MGRN1: variants seen among roughly 807,000 people sequenced by gnomAD.
MGRN1 encodes E3 ubiquitin-protein ligase MGRN1.
In MGRN1, 29 loss-of-function variants were observed where a neutral mutation model predicts 69.2. That is an observed-to-expected ratio of 0.42 (90% CI 0.31 to 0.57). MGRN1 has a LOEUF of 0.57. Ranked by LOEUF, MGRN1 falls within the 20% of genes least tolerant of loss-of-function variation. MGRN1 has a pLI of 0.15. For synonymous variants in MGRN1, 470 were observed against 344.2 expected, an observed-to-expected ratio of 1.37 and a Z score of -4.04; for missense variants, 998 against 796.2, an observed-to-expected ratio of 1.25 and a Z score of -3.05.
rs373368627 is a variant in MGRN1, at chr16:4,672,454, A to C, written c.795+995A>C. The C allele has an allele frequency of 3.7e-5, 17 of 456,650 alleles. No individual in the cohort carries two copies. In the East Asian group the frequency reaches 1.2e-3, roughly 32 times the overall value. The allele number at this position is 456,650 out of a possible 1,614,324, so 28.3% of individuals were successfully genotyped here. On this transcript the variant is annotated intron_variant, in intron 9 of 16. Coordinates refer to ENST00000262370, the MANE Select transcript of MGRN1 (RefSeq NM_015246.4). ...CATTATGGCATCTGGGCCCAGGACAACTGGAGCAGCTCCACGTGGCGGGAG... is the reference window on the plus strand; with the variant it reads ...CATTATGGCATCTGGGCCCAGGACACCTGGAGCAGCTCCACGTGGCGGGAG...
intron 11 of MGRN1, among the ~76,000 whole-genome samples, chr16:4,678,274 C>A (rs566224768): frequency 7.6e-6 from 1 of 130,954 alleles, no homozygotes; most frequent in Admixed American, 7.7e-5. Flanking sequence ...GCAGGCCCTG[C>A]TTCAGCAACA....
intron 1 of MGRN1, 142 bp downstream of exon 1, chr16:4,625,190 C>T: frequency 2.5e-6 from 2 of 799,952 alleles, no homozygotes; most frequent in Non-Finnish European, 1.8e-6. Context: ...CGCGCGGCCC[C>T]ACGGCCCCGA....
At chr16:4,637,788 A>G (rs2078065359) in intron 1 of MGRN1, among the ~76,000 whole-genome samples, 1 of 152,150 alleles carries the variant, frequency 6.6e-6, no homozygotes, top group Non-Finnish European at 1.5e-5. Flanking sequence ...GTCCCATTCC[A>G]CAGGAGGGAG....
At chr16:4,676,396 G>A (rs2079053853) in intron 10 of MGRN1, among the ~76,000 whole-genome samples, 2 of 152,254 alleles carry the variant, frequency 1.3e-5, no homozygotes, top group Admixed American at 1.3e-4. Flanking sequence ...TGGAGATACA[G>A]CAGGGCTGCT....
chr16:4,636,453 G>A (rs1348612380), intron 1 of MGRN1, among the ~76,000 whole-genome samples: 1 of 152,154 alleles, frequency 6.6e-6, no homozygotes, highest in Admixed American at 6.5e-5. Context: ...GACGGGCTCC[G>A]GGGGAGCTGG....
At position 4,682,895 on chromosome 16, in the gene MGRN1, T is replaced by G; in HGVS notation, c.1431T>G (p.Pro477=). 1 of 1,608,324 alleles carries G rather than the reference T, an allele frequency of 6.2e-7. No individual in the cohort carries two copies. The highest frequency in any genetic ancestry group is 8.5e-7 in the Non-Finnish European group (1 of 1,176,390). ...EEKLSEDVDA[P]PPLGGAELAL... is the part of the protein sequence containing the mutation. ...AGCTCTCCGAGGACGTGGACGCCCC[T>G]CCCCCACTGGGTGGCGCAGAGCTGG... The change falls in exon 14 of 17, where the codon CCT becomes CCG. Residue 477 remains proline (P), a synonymous_variant. Coordinates refer to ENST00000262370, the MANE Select transcript of MGRN1 (RefSeq NM_015246.4).
rs182730618 is a variant in MGRN1, at chr16:4,674,567, G to T, written c.955+910G>T. ...CTCCCAAAGTGCTGGAATTACAAGC[G>T]TGAGCCACCGCTTTTTTTTTTTTCT... On this transcript the variant is annotated intron_variant, in intron 10 of 16. Transcript: ENST00000262370. 6.4e-3 allele frequency among the ~76,000 whole-genome samples: 928 copies of T among 144,334 alleles called. 5 individuals are homozygous for T. The highest frequency in any genetic ancestry group is 0.033 in the South Asian group (154 of 4,632). The allele number at this position is 144,334 out of a possible 152,430, so 94.7% of individuals were successfully genotyped here.
At chr16:4,645,573 AGG>A (rs2078256749) in intron 1 of MGRN1, among the ~76,000 whole-genome samples, 1 of 152,184 alleles carries the variant, frequency 6.6e-6, no homozygotes, top group Non-Finnish European at 1.5e-5. Context: ...AAGGCTGGAA[AGG>A]GGAGTGGAAA....
chr16:4,660,040 C>G (rs1335197647), intron 5 of MGRN1, among the ~76,000 whole-genome samples: 1 of 152,178 alleles, frequency 6.6e-6, no homozygotes, highest in Non-Finnish European at 1.5e-5. Context: ...GAGACGCTTC[C>G]CCGAAGAGAA....
chr16:4,626,436 C>T (rs1253334626), intron 1 of MGRN1, among the ~76,000 whole-genome samples: 1 of 152,168 alleles, frequency 6.6e-6, no homozygotes, highest in Non-Finnish European at 1.5e-5. Context: ...GGCTGAGTGA[C>T]CTTGGTCGAG....
Position 4,683,984 on chromosome 16 carries a change from C to T in MGRN1, c.1618+52C>T, listed in dbSNP as rs1356980746. On this transcript the variant is annotated intron_variant, in intron 16 of 16. Coordinates refer to ENST00000262370, the MANE Select transcript of MGRN1 (RefSeq NM_015246.4). The stretch of plus-strand genomic sequence containing the variant: ...GGGGCTGGGTGCCTGTCTTAGTCCC[C>T]AGGGAGGGGGCCCTGCTCTGATGGT... 5 of 1,483,522 alleles carry T rather than the reference C, an allele frequency of 3.4e-6. No individual in the cohort carries two copies. In the East Asian group the frequency reaches 1.2e-4, roughly 37 times the overall value. The allele number at this position is 1,483,522 out of a possible 1,614,324, so 91.9% of individuals were successfully genotyped here. A position where few individuals can be genotyped will look rare whatever the true frequency, so the allele number is the denominator to read the frequency against.
At chr16:4,673,117 C>T (rs1567223535) in intron 9 of MGRN1, among the ~76,000 whole-genome samples, 1 of 152,290 alleles carries the variant, frequency 6.6e-6, no homozygotes, top group African/African-American at 2.4e-5. Context: ...GGATTACAGG[C>T]GTGAGCCACC....
chr16:4,648,921 C>A (rs2078340889), intron 1 of MGRN1, among the ~76,000 whole-genome samples: 1 of 151,980 alleles, frequency 6.6e-6, no homozygotes, highest in Non-Finnish European at 1.5e-5. Flanking sequence ...GGGGACTCTT[C>A]CCGTGGTCAC....
intron 16 of MGRN1, among the ~76,000 whole-genome samples, chr16:4,684,695 G>T (rs1051225972): frequency 6.6e-6 from 1 of 152,246 alleles, no homozygotes; most frequent in African/African-American, 2.4e-5. Flanking sequence ...CCTCAGTTTC[G>T]AATCCTAAGC....
intron 5 of MGRN1, 62 bp from the exon 6 acceptor site, chr16:4,664,647 G>A (rs2078757644): frequency 3.2e-6 from 5 of 1,566,592 alleles, no homozygotes; most frequent in South Asian, 2.2e-5. Context: ...TTTGTTGACC[G>A]ACTCCAGGCT....
At chr16:4,670,211 C>T (rs550992801) in intron 8 of MGRN1, among the ~76,000 whole-genome samples, 7 of 152,034 alleles carry the variant, frequency 4.6e-5, no homozygotes, top group South Asian at 4.2e-4. Context: ...TGCAGGTGTG[C>T]GCCACCACAG....
intron 8 of MGRN1, among the ~76,000 whole-genome samples, chr16:4,670,205 G>C (rs530838649): frequency 6.6e-6 from 1 of 152,148 alleles, no homozygotes; most frequent in East Asian, 1.9e-4. Flanking sequence ...TGGGACTGCA[G>C]GTGTGCGCCA....
chr16:4,673,533 G>A lies in MGRN1; in HGVS notation c.831G>A (p.Glu277=), dbSNP rs1212750269. 6.2e-7 allele frequency: 1 copy of A among 1,613,652 alleles called. No homozygotes were observed. The part of the protein sequence containing the change: ...SDDENSDNSN[E]CVVCLSDLRD... ...ACGAGAACAGCGACAACAGCAACGA[G>A]TGTGTGGTGTGCCTGTCCGACCTGC... Residue 277 remains glutamate (E), a synonymous_variant, in exon 10 of 17, where the codon GAG becomes GAA. Transcript: ENST00000262370.
intron 4 of MGRN1, among the ~76,000 whole-genome samples, chr16:4,654,467 G>A (rs1035783652): frequency 1.3e-5 from 2 of 152,274 alleles, no homozygotes; most frequent in African/African-American, 4.8e-5. Flanking sequence ...TGGCAGGACT[G>A]CCTCCAGGCT....
Sources: allele counts gnomAD v4.1 joint callset (sites outside exome capture counted in the v4.1 genomes callset), GRCh38; gene constraint gnomAD v4.1.1; transcripts MANE v1.5; gene names NCBI Gene and HGNC (gene_info 2026-07-23, HGNC 2026-07-21).